Variants in CDH18 observed in about 807,000 individuals in gnomAD.
CDH18 encodes the protein cadherin 18.
Under a neutral mutation model 67.9 loss-of-function variants are expected in CDH18, and 31 were observed. The ratio of observed to expected loss-of-function variants is 0.46; its 90% CI spans 0.34 to 0.62. The LOEUF (loss-of-function observed/expected upper bound fraction) is 0.62, where lower values mean the gene tolerates loss of function less well. Among genes scored for constraint, CDH18 ranks in the 20% least tolerant of loss-of-function variants. The probability of loss-of-function intolerance (pLI) is 0.01; values close to 1 mark genes in which losing one functional copy is unlikely to be tolerated. For synonymous variants in CDH18, 362 were observed against 347.2 expected, an observed-to-expected ratio of 1.04 and a Z score of -0.48; for missense variants, 890 against 975.5, an observed-to-expected ratio of 0.91 and a Z score of 1.17.
intron 10 of CDH18, among the ~76,000 whole-genome samples, chr5:19,512,821 T>C (rs1745330582): frequency 6.6e-6 from 1 of 152,100 alleles, no homozygotes; most frequent in Non-Finnish European, 1.5e-5. Flanking sequence ...ATATTTTAAT[T>C]ATGACATTTA....
chr5:20,417,528 A>G (rs1747414873), intron 1 of CDH18, among the ~76,000 whole-genome samples: 1 of 152,214 alleles, frequency 6.6e-6, no homozygotes, highest in East Asian at 1.9e-4. Context: ...GGGGAAGTAA[A>G]TAAATATGGT....
intron 1 of CDH18, among the ~76,000 whole-genome samples, chr5:20,303,376 A>G (rs1022660202): frequency 1.3e-5 from 2 of 152,148 alleles, no homozygotes; most frequent in African/African-American, 2.4e-5. Flanking sequence ...ATGAATAGAC[A>G]CTACAAAGCC....
chr5:20,325,040 A>T lies in CDH18; in HGVS notation c.-579-69535T>A, dbSNP rs540681127. Among the ~76,000 whole-genome samples the T allele has an allele frequency of 3.3e-5, 5 of 152,308 alleles. No individual in the cohort carries two copies. In the East Asian group the frequency reaches 9.7e-4, roughly 29 times the overall value. On this transcript the variant is annotated intron_variant, in intron 1 of 14. Coordinates refer to the CDH18 transcript ENST00000507958. ...CTCTGAGCCCAAGCTTGCTTTATCT[A>T]TCATTTGGGAATGATAATAACACCT...
intron 2 of CDH18, among the ~76,000 whole-genome samples, chr5:20,231,407 C>T (rs1465558787): frequency 6.6e-6 from 1 of 151,812 alleles, no homozygotes; most frequent in African/African-American, 2.4e-5. Flanking sequence ...GTCAGGAGTT[C>T]GAGACCAACA....
At position 20,404,404 on chromosome 5, in the gene CDH18, G is replaced by C. The variant is rs1746046365; in HGVS notation, c.-579-148899C>G. 2.6e-5 allele frequency among the ~76,000 whole-genome samples: 4 copies of C among 152,244 alleles called. No individual in the cohort carries two copies. The South Asian group carries it at 8.3e-4, about 32-fold the overall frequency. On this transcript the variant is annotated intron_variant, in intron 1 of 14. Transcript: ENST00000507958. The stretch of plus-strand genomic sequence containing the variant: ...TCCTTTGGCATGCCTTTTTCACCAA[G>C]CTTAATCATTTCCAGCTTGCAATTT...
Position 19,541,621 on chromosome 5 carries a change from A to AG in CDH18, c.1390+2247_1390+2248insC, listed in dbSNP as rs1750293630. Reference sequence around the variant, plus strand: ...AGGCAAAGGAAAAGCAAAGTCACATATTACATGGCGGCAGGCAAGAGAGAG... The same window carrying AG: ...AGGCAAAGGAAAAGCAAAGTCACATAGTTACATGGCGGCAGGCAAGAGAGAG... On this transcript the variant is annotated intron_variant, in intron 9 of 12. Transcript: ENST00000382275. 3.3e-5 allele frequency among the ~76,000 whole-genome samples: 5 copies of AG among 152,176 alleles called. No individual in the cohort carries two copies. The South Asian group carries it at 1.0e-3, about 32-fold the overall frequency.
chr5:20,018,511 A>T (rs1403580397), intron 2 of CDH18, among the ~76,000 whole-genome samples: 1 of 152,224 alleles, frequency 6.6e-6, no homozygotes, highest in Non-Finnish European at 1.5e-5. Flanking sequence ...GTTCATGTAC[A>T]TAAAGTATGC....
At chr5:19,643,385 T>C (rs772323921) in intron 5 of CDH18, among the ~76,000 whole-genome samples, 1 of 152,136 alleles carries the variant, frequency 6.6e-6, no homozygotes, top group Admixed American at 6.6e-5. Context: ...TATAGTCCCA[T>C]GTTCATTGTA....
At chr5:20,280,596 C>A (rs1402884214) in intron 1 of CDH18, among the ~76,000 whole-genome samples, 1 of 152,134 alleles carries the variant, frequency 6.6e-6, no homozygotes, top group Admixed American at 6.5e-5. Context: ...TTTTCTTAAT[C>A]TAGTCTATCA....
intron 1 of CDH18, among the ~76,000 whole-genome samples, chr5:20,264,941 G>A (rs1424869965): frequency 6.6e-6 from 1 of 151,932 alleles, no homozygotes; most frequent in Non-Finnish European, 1.5e-5. Context: ...TGATTTTCTG[G>A]CAATAAGAAC....
chr5:19,674,310 A>C (rs1307500821), intron 5 of CDH18, among the ~76,000 whole-genome samples: 2 of 152,132 alleles, frequency 1.3e-5, no homozygotes, highest in East Asian at 3.9e-4. Context: ...TTTATTGTGA[A>C]ACCAAAGAAA....
At chr5:20,244,808 T>C (rs1056968420) in intron 2 of CDH18, among the ~76,000 whole-genome samples, 1 of 152,182 alleles carries the variant, frequency 6.6e-6, no homozygotes, top group East Asian at 1.9e-4. Flanking sequence ...CTTGAAAAAT[T>C]ATATGCCAGT....
At chr5:20,166,921 A>C (rs1467551647) in intron 2 of CDH18, among the ~76,000 whole-genome samples, 1 of 152,172 alleles carries the variant, frequency 6.6e-6, no homozygotes, top group Non-Finnish European at 1.5e-5. Flanking sequence ...TTTTTAAATA[A>C]TTTTAACGCT....
At chr5:19,483,187 G>A (rs926469479) in intron 12 of CDH18, 114 bp downstream of exon 12, 1 of 924,984 alleles carries the variant, frequency 1.1e-6, no homozygotes, top group East Asian at 2.5e-5. Flanking sequence ...ATAGGAAATT[G>A]GAGCAGCTGT....
At chr5:19,986,969 T>A (rs1799623743) in intron 1 of CDH18, among the ~76,000 whole-genome samples, 1 of 152,140 alleles carries the variant, frequency 6.6e-6, no homozygotes, top group African/African-American at 2.4e-5. Context: ...TGTAGTTAGT[T>A]TTTTTGGCTG....
At chr5:19,896,535 A>C (rs930636948) in intron 2 of CDH18, among the ~76,000 whole-genome samples, 4 of 152,114 alleles carry the variant, frequency 2.6e-5, no homozygotes, top group African/African-American at 7.2e-5. Flanking sequence ...GGGAGCTGGA[A>C]GGCCAAAGAA....
At chr5:20,060,291 C>T (rs984111052) in intron 2 of CDH18, among the ~76,000 whole-genome samples, 1 of 151,814 alleles carries the variant, frequency 6.6e-6, no homozygotes, top group South Asian at 2.1e-4. Context: ...ATGATGAAAC[C>T]CCGTCTCTAC....
chr5:19,722,702 A>G (rs183018933), intron 4 of CDH18, among the ~76,000 whole-genome samples: 1 of 152,048 alleles, frequency 6.6e-6, no homozygotes, highest in African/African-American at 2.4e-5. Context: ...CATAAAATGT[A>G]CCTGATGAAT....
intron 2 of CDH18, among the ~76,000 whole-genome samples, chr5:20,246,170 A>T (rs1194988585): frequency 4.6e-5 from 7 of 152,240 alleles, no homozygotes; most frequent in Non-Finnish European, 8.8e-5. Context: ...TATATAATGT[A>T]TCAAATTAAA....
Sources: allele counts gnomAD v4.1 joint callset (sites outside exome capture counted in the v4.1 genomes callset), GRCh38; gene constraint gnomAD v4.1.1; transcripts MANE v1.5; gene names NCBI Gene and HGNC (gene_info 2026-07-23, HGNC 2026-07-21).